The following PPP1R3F variants were observed in gnomAD, a reference collection of about 807,000 sequenced individuals.
PPP1R3F encodes protein phosphatase 1 regulatory subunit 3F.
PPP1R3F carries 29 observed loss-of-function variants against 24.2 expected under a neutral mutation model. The observed-to-expected ratio is 1.20, with a 90% confidence interval of 0.89 to 1.63. The LOEUF (loss-of-function observed/expected upper bound fraction) is 1.63, where lower values mean the gene tolerates loss of function less well. Ranked by LOEUF, PPP1R3F falls within the 40% of genes most tolerant of loss-of-function variation. The pLI, the probability that PPP1R3F is intolerant of heterozygous loss-of-function variation, is 0.00. For synonymous variants in PPP1R3F, 363 were observed against 340.1 expected (o/e 1.07, Z -0.74); for missense variants, 823 against 729.3 (o/e 1.13, Z -1.48).
intron 1 of PPP1R3F, among the ~76,000 whole-genome samples, chrX:49,278,166 A>C (rs1212821868): frequency 3.6e-5 from 4 of 111,724 alleles, no homozygotes; most frequent in Non-Finnish European, 7.5e-5. Flanking sequence ...CTGATTCCTG[A>C]GTGTTCTCCT....
chrX:49,276,318 C>G (rs1223569122), intron 1 of PPP1R3F, among the ~76,000 whole-genome samples: 1 of 112,635 alleles, frequency 8.9e-6, no homozygotes, highest in Non-Finnish European at 1.9e-5. Flanking sequence ...TTTCTTTGAT[C>G]TGCTGAACAA....
Position 49,270,856 on chromosome X carries a change from G to A in PPP1R3F, c.987G>A (p.Met329Ile). The stretch of plus-strand genomic sequence containing the variant: ...AGGCCAGGCAGCTGAAGAGCTGCAT[G>A]AAGCCGGTGAGGCGCAGGTAATGTC... ...EAEARQLKSC[M>I]KPVRRRPAEE... The change falls in exon 1 of 4, where the codon ATG (methionine) becomes ATA (isoleucine). Residue 329 changes from methionine (M) to isoleucine (I), a missense_variant. By Grantham distance (10) the Met-to-Ile change is conservative (BLOSUM62 1). Transcript: ENST00000055335. 1 of 1,181,555 alleles carries A rather than the reference G, an allele frequency of 8.5e-7. No homozygotes were observed. Among genetic ancestry groups the A allele is most frequent in the Non-Finnish European group, 1.1e-6 (1 of 880,349 alleles).
chrX:49,292,831 A>G (rs1021571725), downstream of PPP1R3F, among the ~76,000 whole-genome samples: 1 of 111,972 alleles, frequency 8.9e-6, no homozygotes, highest in Admixed American at 9.4e-5. Context: ...CACCTGTGCA[A>G]TGGGCATCAT....
downstream of PPP1R3F, among the ~76,000 whole-genome samples, chrX:49,290,857 C>T (rs2066306296): frequency 8.9e-6 from 1 of 111,979 alleles, no homozygotes; most frequent in Admixed American, 9.4e-5. Context: ...CAGTGCCAGG[C>T]ACAGGGCAAG....
At chrX:49,296,655 A>T (rs782087671) in intron 3 of PPP1R3F, among the ~76,000 whole-genome samples, 6 of 111,911 alleles carry the variant, frequency 5.4e-5, no homozygotes, top group Non-Finnish European at 9.4e-5. Context: ...GTGGGCGTTT[A>T]GTGCTATAAA....
chrX:49,281,535 T>A, intron 2 of PPP1R3F, 74 bp downstream of exon 2: 1 of 921,194 alleles, frequency 1.1e-6, no homozygotes, highest in Non-Finnish European at 1.5e-6. Context: ...TTTCTTTCTA[T>A]AAAAATGAAA....
chrX:49,285,929 G>C lies in PPP1R3F; in HGVS notation c.1239G>C (p.Pro413=), dbSNP rs140109941. 59 of 1,206,820 alleles carry C rather than the reference G, an allele frequency of 4.9e-5. No homozygotes were observed. The highest frequency in any genetic ancestry group is 6.6e-5 in the Admixed American group (3 of 45,679). Reference sequence around the variant, plus strand: ...CTTTTACAGAGGTCCTCCAGGCACCGGCCATCAGGATTCCCCCCTCCTCCC... The same window carrying C: ...CTTTTACAGAGGTCCTCCAGGCACCCGCCATCAGGATTCCCCCCTCCTCCC... ...PVAFTEVLQA[P]AIRIPPSSPL... is the part of the protein sequence containing the mutation. The change falls in exon 4 of 4, where the codon CCG becomes CCC. Residue 413 remains proline, a synonymous_variant. Transcript: ENST00000055335.
intron 3 of PPP1R3F, among the ~76,000 whole-genome samples, chrX:49,299,829 T>C (rs2066332519): frequency 9.0e-6 from 1 of 111,623 alleles, no homozygotes; most frequent in South Asian, 3.8e-4. Flanking sequence ...AACTGCCTAC[T>C]CAAGCCTCAG....
chrX:49,269,847 T>TCGGTGCCGCCGCCGCCGC lies in PPP1R3F; in HGVS notation c.-20_-3dup, dbSNP rs1447157769. 12 of 874,683 alleles carry TCGGTGCCGCCGCCGCCGC rather than the reference T, an allele frequency of 1.4e-5. No homozygotes were observed. The highest frequency in any genetic ancestry group is 2.2e-5 in the African/African-American group (1 of 46,440). The allele number at this position is 874,683 out of a possible 1,213,427, so 72.1% of individuals were successfully genotyped here. A position where few individuals can be genotyped will look rare whatever the true frequency, so the allele number is the denominator to read the frequency against. On this transcript the variant is annotated 5_prime_UTR_variant, in exon 1 of 4. Transcript: ENST00000055335. The stretch of plus-strand genomic sequence containing the variant: ...CCCGCCGGTCCCGCCGCCGGTGCCG[T>TCGGTGCCGCCGCCGCCGC]CGGTGCCGCCGCCGCCGCCGATATG...
Position 49,286,649 on chromosome X carries a change from G to A in PPP1R3F, c.1959G>A (p.Leu653=). The stretch of plus-strand genomic sequence containing the variant: ...GGATGGGCAAGGACACCAGCTCTTT[G>A]CACATGAATAGGGTGATAGCTGGGG... The part of the protein sequence containing the change: ...EKGMGKDTSS[L]HMNRVIAGVT... Residue 653 remains leucine, a synonymous_variant, in exon 4 of 4, where the codon TTG becomes TTA. Coordinates refer to ENST00000055335, the MANE Select transcript of PPP1R3F (RefSeq NM_033215.5). The A allele has an allele frequency of 2.5e-6, 3 of 1,210,541 alleles. No homozygotes were observed. The highest frequency in any genetic ancestry group is 3.4e-6 in the Non-Finnish European group (3 of 894,756).
intron 3 of PPP1R3F, among the ~76,000 whole-genome samples, chrX:49,282,341 G>C (rs972439534): frequency 9.0e-6 from 1 of 111,557 alleles, no homozygotes; most frequent in Admixed American, 9.6e-5. Context: ...GGGCTTATGT[G>C]TTAGTAGGGT....
At position 49,270,722 on chromosome X, in the gene PPP1R3F, C is replaced by G. The variant is rs781889055; in HGVS notation, c.853C>G (p.Leu285Val). Residue 285 changes from leucine to valine, a missense_variant, in exon 1 of 4, where the codon CTC (leucine) becomes GTC (valine). Leu to Val is a conservative substitution (Grantham distance 32). Transcript: ENST00000055335. Reference sequence around the variant, plus strand: ...CCACGGCCGCAACTACACAGTCCTGCTCCGGATCGCACCCGCTCCCACACC... The same window carrying G: ...CCACGGCCGCAACTACACAGTCCTGGTCCGGATCGCACCCGCTCCCACACC... Reference protein sequence around the residue: ...NNHGRNYTVLLRIAPAPTPTD... With the variant: ...NNHGRNYTVLVRIAPAPTPTD... 2.5e-6 allele frequency: 3 copies of G among 1,206,475 alleles called. No homozygotes were observed. Among genetic ancestry groups the G allele is most frequent in the Non-Finnish European group, 2.2e-6 (2 of 892,966 alleles).
intron 3 of PPP1R3F, among the ~76,000 whole-genome samples, chrX:49,294,648 G>T (rs1243422412): frequency 9.2e-6 from 1 of 109,062 alleles, no homozygotes; most frequent in Non-Finnish European, 1.9e-5. Flanking sequence ...GGTGGCTCAC[G>T]CCTGTAATCC....
chrX:49,284,243 C>T (rs2066266073), intron 3 of PPP1R3F, among the ~76,000 whole-genome samples: 1 of 111,659 alleles, frequency 9.0e-6, no homozygotes, highest in Admixed American at 9.5e-5. Context: ...ATTCTGTGAG[C>T]CTTTCTCACA....
chrX:49,274,733 G>A (rs782193738), intron 1 of PPP1R3F: 1 of 111,727 alleles, frequency 9.0e-6, no homozygotes, highest in Non-Finnish European at 1.9e-5. Context: ...TGATCCACTC[G>A]TTTCTCCTCT....
chrX:49,270,565 C>G lies in PPP1R3F; in HGVS notation c.696C>G (p.Ser232=), dbSNP rs1187200160. ...LGLGPGQASA[S]SPDDGGRTDR... ...TGGGTCCCGGCCAGGCATCCGCCTC[C>G]TCGCCCGACGACGGCGGCCGCACCG... The change falls in exon 1 of 4, where the codon TCC becomes TCG. Residue 232 remains serine (S), a synonymous_variant. Coordinates refer to ENST00000055335, the MANE Select transcript of PPP1R3F (RefSeq NM_033215.5). The G allele has an allele frequency of 1.7e-5, 20 of 1,201,872 alleles. No homozygotes were observed. Among genetic ancestry groups the G allele is most frequent in the Non-Finnish European group, 2.2e-5 (20 of 893,584 alleles).
Position 49,269,889 on chromosome X carries a change from T to C in PPP1R3F, c.20T>C (p.Val7Ala). Residue 7 changes from valine (V) to alanine (A), a missense_variant, in exon 1 of 4, where the codon GTG becomes GCG. Val to Ala is a moderately conservative substitution (Grantham distance 64). Transcript: ENST00000055335. ...GCCGATATGGCGCGTACGGCCCCTGTGGAGCCCCCGCTGCGGCATTCCGCG... is the reference window on the plus strand; with the variant it reads ...GCCGATATGGCGCGTACGGCCCCTGCGGAGCCCCCGCTGCGGCATTCCGCG... MARTAP[V>A]EPPLRHSAPP... 1.1e-6 allele frequency: 1 copy of C among 901,570 alleles called. No homozygotes were observed. Among genetic ancestry groups the C allele is most frequent in the Non-Finnish European group, 1.4e-6 (1 of 732,997 alleles). 74.3% of individuals were successfully genotyped at this position (901,570 alleles called of 1,213,427 possible).
intron 1 of PPP1R3F, among the ~76,000 whole-genome samples, chrX:49,278,747 T>A (rs2066229622): frequency 8.9e-6 from 1 of 112,589 alleles, no homozygotes; most frequent in African/African-American, 3.2e-5. Context: ...TAGCCACGCA[T>A]GTCCCAGGCC....
At chrX:49,276,329 C>T (rs938728139) in intron 1 of PPP1R3F, among the ~76,000 whole-genome samples, 4 of 112,591 alleles carry the variant, frequency 3.6e-5, no homozygotes, top group Admixed American at 1.9e-4. Flanking sequence ...TGCTGAACAA[C>T]TCACTGATGT....
Sources: gnomAD v4.1 joint callset for allele counts (sites outside exome capture counted in the v4.1 genomes callset) on GRCh38, gnomAD v4.1.1 for gene constraint, MANE v1.5 for transcripts, NCBI Gene and HGNC (gene_info 2026-07-23, HGNC 2026-07-21) for gene names.